The following NCOR2 variants were observed in gnomAD, a reference collection of about 807,000 sequenced individuals.
The protein encoded by NCOR2 is CTG repeat protein 26.
Under a neutral mutation model 262.9 loss-of-function variants are expected in NCOR2, and 81 were observed. The ratio of observed to expected loss-of-function variants is 0.31; its 90% CI spans 0.26 to 0.37. The LOEUF (loss-of-function observed/expected upper bound fraction) is 0.37, where lower values mean the gene tolerates loss of function less well. Ranked by LOEUF, NCOR2 falls within the 10% of genes least tolerant of loss-of-function variation. The pLI, the probability that NCOR2 is intolerant of heterozygous loss-of-function variation, is 1.00. For missense variants in NCOR2, 3,385 were observed against 3,621.4 expected (o/e 0.93, Z 1.68); for synonymous variants, 1,659 against 1,559.3 (o/e 1.06, Z -1.51).
chr12:124,447,033 A>G (rs908074869), intron 7 of NCOR2, among the ~76,000 whole-genome samples: 2 of 151,680 alleles, frequency 1.3e-5, no homozygotes, highest in African/African-American at 4.9e-5. Flanking sequence ...TCCTGCCTCA[A>G]CCTCCTGAGT....
chr12:124,479,075 G>T (rs1191733007), intron 3 of NCOR2, among the ~76,000 whole-genome samples: 1 of 151,248 alleles, frequency 6.6e-6, no homozygotes, highest in Non-Finnish European at 1.5e-5. Context: ...CAGAGCGCAC[G>T]GACGTGCTGG....
At chr12:124,335,541 C>T in exon 39 of NCOR2, 1 of 1,609,410 alleles carries the variant, frequency 6.2e-7, no homozygotes, top group African/African-American at 1.3e-5. Context: ...CTTCCAGGTG[C>T]TTGGGGAGCC....
intron 32 of NCOR2, among the ~76,000 whole-genome samples, chr12:124,344,167 C>G (rs2036715495): frequency 6.6e-6 from 1 of 152,184 alleles, no homozygotes; most frequent in South Asian, 2.1e-4. Context: ...AAAGAGGGCC[C>G]AGGGGCTGGG....
chr12:124,392,211 T>C lies in NCOR2; in HGVS notation c.1876+5908A>G, dbSNP rs548695512. On this transcript the variant is annotated intron_variant, in intron 16 of 46. Coordinates refer to ENST00000405201, the Ensembl canonical transcript of NCOR2. ...TCCCCTAGGAGGGAAGGGGGGCTTGTTGATGCCTGATTTCATCTTCAAGGG... is the reference window on the plus strand; with the variant it reads ...TCCCCTAGGAGGGAAGGGGGGCTTGCTGATGCCTGATTTCATCTTCAAGGG... Among the ~76,000 whole-genome samples, 8 of 152,316 alleles carry C rather than the reference T, an allele frequency of 5.3e-5. No individual in the cohort carries two copies. In the East Asian group the frequency reaches 7.7e-4, roughly 15 times the overall value.
intron 1 of NCOR2, among the ~76,000 whole-genome samples, chr12:124,491,072 G>A (rs990140721): frequency 2.6e-5 from 4 of 152,206 alleles, no homozygotes; most frequent in African/African-American, 9.7e-5. Flanking sequence ...CACAGGCCAC[G>A]CCCACTCCCT....
Position 124,362,330 on chromosome 12 carries a change from G to A in NCOR2, c.2929-33C>T, listed in dbSNP as rs2271136. ...AAGCAGGCAGAAGTGAGCATTCACA[G>A]AGGGTGTCTGAAAGTGACAGGGTCA... On this transcript the variant is annotated intron_variant, in intron 21 of 46. Coordinates refer to ENST00000405201, the Ensembl canonical transcript of NCOR2. 5,330 of 1,332,252 alleles carry A rather than the reference G, an allele frequency of 4.0e-3. 234 individuals carry two copies. The East Asian group carries it at 0.11, about 27-fold the overall frequency. The allele number at this position is 1,332,252 out of a possible 1,614,324, so 82.5% of individuals were successfully genotyped here.
intron 43 of NCOR2, chr12:124,331,585 T>A (rs1244099): frequency 6.5e-6 from 1 of 153,502 alleles, no homozygotes; most frequent in Non-Finnish European, 1.4e-5. Flanking sequence ...GCCTCCCCAG[T>A]AGCTTGGACT....
chr12:124,381,304 C>G (rs1156548570), intron 17 of NCOR2, among the ~76,000 whole-genome samples: 1 of 152,190 alleles, frequency 6.6e-6, no homozygotes, highest in African/African-American at 2.4e-5. Context: ...TAACTCACTT[C>G]CTCACCTCCT....
rs1017313816 is a variant in NCOR2, at chr12:124,378,921, C to T, written c.2020-537G>A. On this transcript the variant is annotated intron_variant, in intron 17 of 46. Transcript: ENST00000405201. The surrounding 1 kb of genome is among the most constrained non-coding windows in gnomAD (Gnocchi z 4.2). ...AAGGCACGGGGTAGACAAGGTCCTG[C>T]CCTTGGAGGCTGCCCTGCCGCTGGG... Among the ~76,000 whole-genome samples the T allele has an allele frequency of 2.9e-5, 2 of 68,860 alleles. No homozygotes were observed. Among genetic ancestry groups the T allele is most frequent in the African/African-American group, 7.8e-5 (2 of 25,482 alleles). 45.2% of individuals were successfully genotyped at this position (68,860 alleles called of 152,430 possible).
intron 33 of NCOR2, 126 bp from the exon 36 acceptor site, chr12:124,342,200 CA>C: frequency 1.7e-6 from 2 of 1,155,524 alleles, no homozygotes; most frequent in Non-Finnish European, 2.4e-6. Context: ...TGTGGCTGCC[CA>C]AAGCACAAAC....
At chr12:124,395,815 T>C (rs2136172826) in intron 16 of NCOR2, among the ~76,000 whole-genome samples, 1 of 152,230 alleles carries the variant, frequency 6.6e-6, no homozygotes, top group African/African-American at 2.4e-5. Flanking sequence ...AGTCCTCCGA[T>C]GGGTGGGTGC....
chr12:124,561,452 C>T (rs2052068630), intron 1 of NCOR2, among the ~76,000 whole-genome samples: 1 of 152,188 alleles, frequency 6.6e-6, no homozygotes, highest in African/African-American at 2.4e-5. Flanking sequence ...AGTTTTAATA[C>T]CCAATGCCCC....
intron 1 of NCOR2, among the ~76,000 whole-genome samples, chr12:124,491,135 A>G (rs1366343612): frequency 1.3e-5 from 2 of 150,384 alleles, no homozygotes; most frequent in African/African-American, 4.9e-5. Context: ...GGGCGGTTGC[A>G]TGGCCTGCAA....
At chr12:124,445,585 G>C (rs1388908783) in intron 7 of NCOR2, among the ~76,000 whole-genome samples, 5 of 152,204 alleles carry the variant, frequency 3.3e-5, no homozygotes, top group Non-Finnish European at 5.9e-5. Flanking sequence ...TAGAAGCAAT[G>C]ACAGCAGCGG....
exon 16 of NCOR2, chr12:124,398,138 T>G: frequency 6.2e-7 from 1 of 1,614,232 alleles, no homozygotes. Flanking sequence ...CTGTTTCCAT[T>G]TCTTCTTCTG....
At position 124,389,186 on chromosome 12, in the gene NCOR2, G is replaced by A. The variant is rs142626413; in HGVS notation, c.1877-3299C>T. 0.014 allele frequency among the ~76,000 whole-genome samples: 2,061 copies of A among 152,370 alleles called. 34 individuals carry two copies. Among genetic ancestry groups the A allele is most frequent in the African/African-American group, 0.046 (1,922 of 41,584 alleles). Reference sequence around the variant, plus strand: ...TGTGCCCAGTGCGGACGCTCAGCGAGCAATGCCGGCCAGAGCCCACAGACC... The same window carrying A: ...TGTGCCCAGTGCGGACGCTCAGCGAACAATGCCGGCCAGAGCCCACAGACC... On this transcript the variant is annotated intron_variant, in intron 16 of 46. Transcript: ENST00000405201. This position sits in a 1 kb window ranked among gnomAD's most constrained non-coding sequence, Gnocchi z 4.4.
chr12:124,386,957 T>A (rs976695676), intron 16 of NCOR2, among the ~76,000 whole-genome samples: 1 of 152,214 alleles, frequency 6.6e-6, no homozygotes, highest in African/African-American at 2.4e-5. Context: ...GCTCCTGACC[T>A]AGGGGTCTGT....
At chr12:124,366,903 T>C (rs1302859947) in intron 20 of NCOR2, among the ~76,000 whole-genome samples, 1 of 152,240 alleles carries the variant, frequency 6.6e-6, no homozygotes, top group Non-Finnish European at 1.5e-5. Flanking sequence ...GACCATACTA[T>C]ATGCTAGCCA....
rs1345571797 is a variant in NCOR2 at position 124,503,713 on chromosome 12, C to G, written c.-117-8345G>C. Among the ~76,000 whole-genome samples the G allele has an allele frequency of 3.3e-5, 4 of 121,266 alleles. No homozygotes were observed. Among genetic ancestry groups the G allele is most frequent in the East Asian group, 2.2e-4 (1 of 4,516 alleles). The allele number at this position is 121,266 out of a possible 152,430, so 79.6% of individuals were successfully genotyped here. ...ATGGATGGATGGATGGATGGATGGA[C>G]AGACGAATGGATGGATGGATGGACG... On this transcript the variant is annotated intron_variant, in intron 1 of 46. Transcript: ENST00000404621. The surrounding 1 kb of genome is among the most constrained non-coding windows in gnomAD (Gnocchi z 4.3).
Sources: gnomAD v4.1 joint callset for allele counts (sites outside exome capture counted in the v4.1 genomes callset) on GRCh38, gnomAD v4.1.1 for gene constraint, Gnocchi (gnomAD v3.1) non-coding constraint, MANE v1.5 for transcripts, NCBI Gene and HGNC (gene_info 2026-07-23, HGNC 2026-07-21) for gene names.